The following ST6GALNAC5 variants were observed in gnomAD, a reference collection of about 807,000 sequenced individuals.
The protein encoded by ST6GALNAC5 is ST6 N-acetylgalactosaminide alpha-2,6-sialyltransferase 5, also known as alpha-N-acetylgalactosaminide alpha-2,6-sialyltransferase 5.
Under a neutral mutation model 33.6 loss-of-function variants are expected in ST6GALNAC5, and 27 were observed. That is an observed-to-expected ratio of 0.80 (90% CI 0.59 to 1.11). ST6GALNAC5 has a LOEUF of 1.11. Among genes scored for constraint, ST6GALNAC5 ranks in the 50% least tolerant of loss-of-function variants. The pLI, the probability that ST6GALNAC5 is intolerant of heterozygous loss-of-function variation, is 0.00. For missense variants in ST6GALNAC5, 428 were observed against 454.0 expected, an observed-to-expected ratio of 0.94 and a Z score of 0.52; for synonymous variants, 194 against 171.2, an observed-to-expected ratio of 1.13 and a Z score of -1.04.
chr1:76,995,484 C>G (rs1325611165), intron 2 of ST6GALNAC5: 1 of 152,180 alleles, frequency 6.6e-6, no homozygotes, highest in African/African-American at 2.4e-5. Context: ...GAGTCATAGA[C>G]TCTCCTCAGA....
At position 77,063,562 on chromosome 1, in the gene ST6GALNAC5, C is replaced by G; in HGVS notation, c.*356C>G. On this transcript the variant is annotated 3_prime_UTR_variant, in exon 5 of 5. Transcript: ENST00000477717. Reference sequence around the variant, plus strand: ...TTAGTTGCATTCCTTTATAGACATACCATGTCAAAGACGTTTTTCTATCAA... The same window carrying G: ...TTAGTTGCATTCCTTTATAGACATAGCATGTCAAAGACGTTTTTCTATCAA... 1 of 243,598 alleles carries G rather than the reference C, an allele frequency of 4.1e-6. No individual in the cohort carries two copies. Among genetic ancestry groups the G allele is most frequent in the Non-Finnish European group, 8.1e-6 (1 of 123,920 alleles). The allele number at this position is 243,598 out of a possible 1,614,324, so 15.1% of individuals were successfully genotyped here.
At chr1:76,898,106 G>C (rs1168533639) in intron 2 of ST6GALNAC5, among the ~76,000 whole-genome samples, 1 of 152,216 alleles carries the variant, frequency 6.6e-6, no homozygotes, top group Non-Finnish European at 1.5e-5. Context: ...CAGGGGCTCT[G>C]GGAGTGGCTG....
rs563021192 is a variant in ST6GALNAC5 at position 76,868,464 on chromosome 1, C to T, written c.16-33C>T. 6.3e-7 allele frequency: 1 copy of T among 1,581,018 alleles called. No homozygotes were observed. The highest frequency in any genetic ancestry group is 8.6e-7 in the Non-Finnish European group (1 of 1,160,420). On this transcript the variant is annotated intron_variant, in intron 1 of 4. Coordinates refer to ENST00000477717, the MANE Select transcript of ST6GALNAC5 (RefSeq NM_030965.3). The surrounding 1 kb of genome is among the most constrained non-coding windows in gnomAD (Gnocchi z 4.3). ...CGCTCCTCCGGTGTCTGCGCTCAGC[C>T]GCTCTCCTCTTCTCTCTCCCGCCCG...
chr1:76,899,468 G>T (rs1293789276), intron 2 of ST6GALNAC5, among the ~76,000 whole-genome samples: 2 of 152,114 alleles, frequency 1.3e-5, no homozygotes, highest in Non-Finnish European at 2.9e-5. Flanking sequence ...AACGGATGGG[G>T]GCACAGAGAC....
At chr1:77,027,060 C>T (rs1439151840) in intron 2 of ST6GALNAC5, among the ~76,000 whole-genome samples, 3 of 152,178 alleles carry the variant, frequency 2.0e-5, no homozygotes, top group Non-Finnish European at 4.4e-5. Flanking sequence ...CACCTCCACT[C>T]CAAAGACAGA....
At position 76,899,691 on chromosome 1, in the gene ST6GALNAC5, C is replaced by G. The variant is rs574140329; in HGVS notation, c.261+30949C>G. On this transcript the variant is annotated intron_variant, in intron 2 of 4. Coordinates refer to ENST00000477717, the MANE Select transcript of ST6GALNAC5 (RefSeq NM_030965.3). Reference sequence around the variant, plus strand: ...TTTGGGTCCACAGATAAAAGTGTCTCCTTTGTCTCTACCAGAAAATGAAAG... The same window carrying G: ...TTTGGGTCCACAGATAAAAGTGTCTGCTTTGTCTCTACCAGAAAATGAAAG... Among the ~76,000 whole-genome samples the G allele has an allele frequency of 3.3e-3, 503 of 152,236 alleles. 4 individuals carry two copies. Among genetic ancestry groups the G allele is most frequent in the African/African-American group, 0.011 (464 of 41,538 alleles).
At chr1:77,030,489 T>C (rs142895253) in intron 2 of ST6GALNAC5, among the ~76,000 whole-genome samples, 1 of 152,214 alleles carries the variant, frequency 6.6e-6, no homozygotes, top group East Asian at 1.9e-4. Flanking sequence ...ATTTTGGCAG[T>C]TGGACCTGGT....
chr1:76,998,879 T>A (rs1650038069), intron 2 of ST6GALNAC5, among the ~76,000 whole-genome samples: 1 of 152,176 alleles, frequency 6.6e-6, no homozygotes, highest in African/African-American at 2.4e-5. Context: ...CCATCTTCCG[T>A]AAATAACAGC....
chr1:76,873,966 AC>A (rs1435264195), intron 2 of ST6GALNAC5, among the ~76,000 whole-genome samples: 1 of 152,206 alleles, frequency 6.6e-6, no homozygotes, highest in Non-Finnish European at 1.5e-5. Context: ...CAGAGAAAAG[AC>A]AAAGAAGCAA....
At chr1:77,014,661 C>T (rs1056760037) in intron 2 of ST6GALNAC5, among the ~76,000 whole-genome samples, 3 of 152,172 alleles carry the variant, frequency 2.0e-5, no homozygotes, top group Non-Finnish European at 4.4e-5. Context: ...AAAGCAGAGA[C>T]ACAGACTCGG....
chr1:76,889,136 A>G (rs898868942), intron 2 of ST6GALNAC5, among the ~76,000 whole-genome samples: 1 of 152,066 alleles, frequency 6.6e-6, no homozygotes, highest in African/African-American at 2.4e-5. Flanking sequence ...GATTCCATTT[A>G]TAAGTGATTT....
Position 76,868,591 on chromosome 1 carries a change from C to CGCG in ST6GALNAC5, c.112_113insGGC (p.Pro37_Gln38insArg). On this transcript the variant is annotated inframe_insertion, in exon 2 of 5. Transcript: ENST00000477717. This position sits in a 1 kb window ranked among gnomAD's most constrained non-coding sequence, Gnocchi z 4.3. ...CTCGGCGGCCAGAAGGAGCGGCCCC[C>CGCG]GCAGCAGCAGCAGCAGCAGCAGCAA... The CGCG allele has an allele frequency of 1.2e-6, 2 of 1,609,736 alleles. No homozygotes were observed. Among genetic ancestry groups the CGCG allele is most frequent in the Non-Finnish European group, 1.7e-6 (2 of 1,178,288 alleles).
chr1:77,021,319 G>C (rs963775855), intron 2 of ST6GALNAC5, among the ~76,000 whole-genome samples: 1 of 152,122 alleles, frequency 6.6e-6, no homozygotes, highest in South Asian at 2.1e-4. Flanking sequence ...TTGGGGGCAG[G>C]GGGTATGTTG....
In ST6GALNAC5 at chr1:76,872,960, T is replaced by C. The variant is rs187174834; in HGVS notation, c.261+4218T>C. On this transcript the variant is annotated intron_variant, in intron 2 of 4. Transcript: ENST00000477717. ...AACAGGATAAATGTTTTTTATAACA[T>C]TTATTAAAATACTTAACCTTCCTTA... 5.3e-4 allele frequency among the ~76,000 whole-genome samples: 81 copies of C among 152,346 alleles called. 1 individual carries two copies. Among genetic ancestry groups the C allele is most frequent in the African/African-American group, 1.8e-3 (76 of 41,568 alleles).
chr1:76,877,125 A>AAC (rs1187257547), intron 2 of ST6GALNAC5, among the ~76,000 whole-genome samples: 2 of 152,194 alleles, frequency 1.3e-5, no homozygotes, highest in African/African-American at 4.8e-5. Context: ...CCCATAGCCA[A>AAC]ATGATCAGTT....
At chr1:77,049,264 A>G (rs562999043) in intron 3 of ST6GALNAC5, among the ~76,000 whole-genome samples, 1 of 152,114 alleles carries the variant, frequency 6.6e-6, no homozygotes, top group Non-Finnish European at 1.5e-5. Flanking sequence ...GCCTTCCTGC[A>G]CCTCTGTTAT....
Position 76,868,347 on chromosome 1 carries a change from T to A in ST6GALNAC5, c.16-150T>A. 1 of 1,234,846 alleles carries A rather than the reference T, an allele frequency of 8.1e-7. No individual in the cohort carries two copies. The highest frequency in any genetic ancestry group is 1.1e-6 in the Non-Finnish European group (1 of 920,674). The allele number at this position is 1,234,846 out of a possible 1,614,324, so 76.5% of individuals were successfully genotyped here. A position where few individuals can be genotyped will look rare whatever the true frequency, so the allele number is the denominator to read the frequency against. ...CGATACGCTAGGGGACGGTGCTTTC[T>A]CTGTCCCAGTTGCGTGCGGCGGGGC... On this transcript the variant is annotated intron_variant, in intron 1 of 4. Transcript: ENST00000477717. This position sits in a 1 kb window ranked among gnomAD's most constrained non-coding sequence, Gnocchi z 4.3.
In ST6GALNAC5 at chr1:76,974,362, C is replaced by G. The variant is rs141141966; in HGVS notation, c.262-69842C>G. Among the ~76,000 whole-genome samples the G allele has an allele frequency of 3.6e-3, 548 of 151,972 alleles. 3 individuals carry two copies. The highest frequency in any genetic ancestry group is 0.013 in the African/African-American group (525 of 41,488). The stretch of plus-strand genomic sequence containing the variant: ...CTAGGATTATAGACATGCATCACCA[C>G]ACTCAGTTGATTTTTTAAATTTTTT... On this transcript the variant is annotated intron_variant, in intron 2 of 4. Coordinates refer to ENST00000477717, the MANE Select transcript of ST6GALNAC5 (RefSeq NM_030965.3).
intron 4 of ST6GALNAC5, among the ~76,000 whole-genome samples, chr1:77,054,771 AC>A (rs1652336739): frequency 6.6e-6 from 1 of 152,076 alleles, no homozygotes; most frequent in Admixed American, 6.6e-5. Context: ...TTCTCATCTC[AC>A]CCAAAGGGCC....
Sources: gnomAD v4.1 joint callset for allele counts (sites outside exome capture counted in the v4.1 genomes callset) on GRCh38, gnomAD v4.1.1 for gene constraint, Gnocchi (gnomAD v3.1) non-coding constraint, MANE v1.5 for transcripts, NCBI Gene and HGNC (gene_info 2026-07-23, HGNC 2026-07-21) for gene names.